Variants in TIAM1 observed in about 807,000 individuals in gnomAD.
The protein encoded by TIAM1 is rho guanine nucleotide exchange factor TIAM1.
Under a neutral mutation model 163.5 loss-of-function variants are expected in TIAM1, and 65 were observed. The ratio of observed to expected loss-of-function variants is 0.40; its 90% CI spans 0.33 to 0.49. The LOEUF is 0.49. TIAM1 is among the 20% of genes least tolerant of loss of function. The probability of loss-of-function intolerance (pLI) is 0.77; values close to 1 mark genes in which losing one functional copy is unlikely to be tolerated. For missense variants in TIAM1, 1,789 were observed against 2,044.7 expected, an observed-to-expected ratio of 0.87 and a Z score of 2.41; for synonymous variants, 833 against 810.1, an observed-to-expected ratio of 1.03 and a Z score of -0.48.
At chr21:31,358,513 A>G (rs936917147) in intron 2 of TIAM1, among the ~76,000 whole-genome samples, 1 of 152,132 alleles carries the variant, frequency 6.6e-6, no homozygotes, top group Admixed American at 6.5e-5. Context: ...CCCTCTGGGT[A>G]TCTTCCAGGT....
chr21:31,154,188 C>T (rs1568930939), intron 17 of TIAM1, 59 bp downstream of exon 17: 2 of 1,560,396 alleles, frequency 1.3e-6, no homozygotes, highest in East Asian at 2.3e-5. Context: ...CCAGCAGACA[C>T]ACCAACTTCA....
At chr21:31,284,752 C>G (rs2073726782) in intron 2 of TIAM1, among the ~76,000 whole-genome samples, 1 of 152,076 alleles carries the variant, frequency 6.6e-6, no homozygotes, top group Non-Finnish European at 1.5e-5. Flanking sequence ...TCTTGAACTC[C>G]TGACCTCAAG....
chr21:31,239,529 G>C (rs1385427633), intron 6 of TIAM1, among the ~76,000 whole-genome samples: 3 of 152,124 alleles, frequency 2.0e-5, no homozygotes, highest in Non-Finnish European at 4.4e-5. Flanking sequence ...ATTAAGGAAG[G>C]CTTAAGAAGT....
At chr21:31,494,102 C>T (rs191088888) in intron 1 of TIAM1, among the ~76,000 whole-genome samples, 30 of 152,188 alleles carry the variant, frequency 2.0e-4, no homozygotes, top group Admixed American at 1.5e-3. Flanking sequence ...TTTATAGAGA[C>T]AGGGTTTTGC....
At chr21:31,446,095 C>G (rs2044612902) in intron 2 of TIAM1, among the ~76,000 whole-genome samples, 1 of 152,072 alleles carries the variant, frequency 6.6e-6, no homozygotes, top group Non-Finnish European at 1.5e-5. Flanking sequence ...CACCCGCCAC[C>G]ACACCTGGCT....
intron 1 of TIAM1, among the ~76,000 whole-genome samples, chr21:31,537,842 T>C (rs780214020): frequency 5.3e-5 from 8 of 152,180 alleles, no homozygotes; most frequent in Non-Finnish European, 1.0e-4. Flanking sequence ...ACAAGACTGC[T>C]CTATGTGTAC....
intron 3 of TIAM1, among the ~76,000 whole-genome samples, chr21:31,274,281 C>T (rs1348443175): frequency 6.6e-6 from 1 of 152,018 alleles, no homozygotes; most frequent in African/African-American, 2.4e-5. Context: ...CCTATATGAC[C>T]CAAGATACAG....
chr21:31,409,786 G>C (rs1295981371), intron 2 of TIAM1, among the ~76,000 whole-genome samples: 3 of 152,200 alleles, frequency 2.0e-5, no homozygotes, highest in Non-Finnish European at 2.9e-5. Flanking sequence ...CCTCCCTGGT[G>C]GGGGGCAGGG....
At chr21:31,217,828 T>C (rs2087308196) in intron 8 of TIAM1, 129 bp from the exon 9 acceptor site, 11 of 1,064,490 alleles carry the variant, frequency 1.0e-5, no homozygotes, top group Non-Finnish European at 1.5e-5. Context: ...CTGACCCCAA[T>C]GCCTAAAGTA....
At chr21:31,485,862 G>A (rs1463380450) in intron 1 of TIAM1, among the ~76,000 whole-genome samples, 2 of 152,180 alleles carry the variant, frequency 1.3e-5, no homozygotes, top group Admixed American at 1.3e-4. Context: ...CTTTGCAGAT[G>A]AGGAAACCCA....
Position 31,395,891 on chromosome 21 carries a change from G to C in TIAM1, c.-368-56469C>G, listed in dbSNP as rs892466534. On this transcript the variant is annotated intron_variant, in intron 2 of 28. Transcript: ENST00000286827. The surrounding 1 kb of genome is among the most constrained non-coding windows in gnomAD (Gnocchi z 7.5). ...AGGGCCTGAACAGAAAGAAAACAAG[G>C]AGCGAAAACAAAATAAGGCTGTCTA... Among the ~76,000 whole-genome samples the C allele has an allele frequency of 1.3e-5, 2 of 152,058 alleles. No homozygotes were observed. The highest frequency in any genetic ancestry group is 2.9e-5 in the Non-Finnish European group (2 of 68,010).
intron 2 of TIAM1, among the ~76,000 whole-genome samples, chr21:31,325,155 G>A (rs1023452549): frequency 6.6e-6 from 1 of 151,390 alleles, no homozygotes; most frequent in Non-Finnish European, 1.5e-5. Flanking sequence ...ATGGTGGTGT[G>A]CAGCCGTAGT....
Position 31,118,579 on chromosome 21 carries a change from C to G in TIAM1, c.*1789G>C, listed in dbSNP as rs1396119498. On this transcript the variant is annotated 3_prime_UTR_variant, in exon 28 of 28. Transcript: ENST00000541036. ...TGTACAAGAGACAATGGCACCCTCT[C>G]CAAGCACCAGACTTCCGAGTGTTTT... is the stretch of plus-strand genomic sequence containing the variant. 4 of 471,756 alleles carry G rather than the reference C, an allele frequency of 8.5e-6. No homozygotes were observed. Among genetic ancestry groups the G allele is most frequent in the South Asian group, 1.5e-5 (1 of 64,566 alleles). The allele number at this position is 471,756 out of a possible 1,614,324, so 29.2% of individuals were successfully genotyped here.
intron 1 of TIAM1, among the ~76,000 whole-genome samples, chr21:31,510,326 G>A (rs928895135): frequency 6.6e-6 from 1 of 152,114 alleles, no homozygotes; most frequent in Non-Finnish European, 1.5e-5. Flanking sequence ...GTGCCTCTAT[G>A]ACCAAATTTC....
chr21:31,461,993 T>A (rs765376012), intron 2 of TIAM1, among the ~76,000 whole-genome samples: 3 of 152,226 alleles, frequency 2.0e-5, no homozygotes, highest in Non-Finnish European at 4.4e-5. Flanking sequence ...AGCCACAGTT[T>A]GTGAGCTACA....
At chr21:31,121,273 A>C (rs1288962482) in intron 27 of TIAM1, among the ~76,000 whole-genome samples, 1 of 152,120 alleles carries the variant, frequency 6.6e-6, no homozygotes, top group Non-Finnish European at 1.5e-5. Flanking sequence ...CAGTGCTATG[A>C]AGATCCCCAG....
chr21:31,154,458 G>T, intron 16 of TIAM1, 32 bp from the exon 17 acceptor site: 1 of 1,601,006 alleles, frequency 6.2e-7, no homozygotes. Context: ...GGAAGGCAGA[G>T]GTCATTATCC....
intron 19 of TIAM1, among the ~76,000 whole-genome samples, chr21:31,147,271 T>C (rs1044847321): frequency 1.3e-5 from 2 of 152,220 alleles, no homozygotes; most frequent in Admixed American, 6.5e-5. Flanking sequence ...CTGTGTCTTT[T>C]AATAACCTAT....
chr21:31,331,375 C>T (rs2075673808), intron 2 of TIAM1, among the ~76,000 whole-genome samples: 1 of 152,194 alleles, frequency 6.6e-6, no homozygotes, highest in Non-Finnish European at 1.5e-5. Context: ...TCAAACACAG[C>T]CTGCAGGCCC....
Sources: allele counts gnomAD v4.1 joint callset (sites outside exome capture counted in the v4.1 genomes callset), GRCh38; gene constraint gnomAD v4.1.1; non-coding constraint Gnocchi (gnomAD v3.1); transcripts MANE v1.5; gene names NCBI Gene and HGNC (gene_info 2026-07-23, HGNC 2026-07-21).